Variants in RPS6KA2 observed in about 807,000 individuals in gnomAD.
The protein encoded by RPS6KA2 is ribosomal protein S6 kinase alpha-2.
A neutral mutation model predicts 91.8 loss-of-function variants in RPS6KA2; 42 were observed. The ratio of observed to expected loss-of-function variants is 0.46; its 90% CI spans 0.36 to 0.59. The LOEUF (loss-of-function observed/expected upper bound fraction) is 0.59. RPS6KA2 is among the 20% of genes least tolerant of loss of function. The pLI is 0.00. For synonymous variants in RPS6KA2, 414 were observed against 393.6 expected (o/e 1.05, Z -0.61); for missense variants, 798 against 978.5 (o/e 0.82, Z 2.46).
chr6:166,565,511 C>T (rs1252571184), intron 1 of RPS6KA2, among the ~76,000 whole-genome samples: 1 of 152,250 alleles, frequency 6.6e-6, no homozygotes, highest in Non-Finnish European at 1.5e-5. Flanking sequence ...ACAGTGCCAT[C>T]CACGCTAGGG....
intron 10 of RPS6KA2, among the ~76,000 whole-genome samples, chr6:166,472,643 T>C (rs559720543): frequency 7.2e-5 from 11 of 152,330 alleles, no homozygotes; most frequent in African/African-American, 2.6e-4. Flanking sequence ...TTTATTATTC[T>C]TGTTAAAATA....
At chr6:166,858,396 G>C in intron 1 of RPS6KA2, 1 of 628,720 alleles carries the variant, frequency 1.6e-6, no homozygotes. Flanking sequence ...CCATATCACC[G>C]TCCCTTCCCA....
At chr6:166,824,613 G>A (rs1290587362) in intron 2 of RPS6KA2, among the ~76,000 whole-genome samples, 5 of 149,148 alleles carry the variant, frequency 3.4e-5, no homozygotes, top group African/African-American at 7.4e-5. Flanking sequence ...TAATATGTGT[G>A]TGTCTGTGTG....
chr6:166,527,517 C>T (rs1424561157), intron 3 of RPS6KA2, among the ~76,000 whole-genome samples: 1 of 152,120 alleles, frequency 6.6e-6, no homozygotes, highest in African/African-American at 2.4e-5. Flanking sequence ...AGGAAAGGAA[C>T]GTATTATCTA....
upstream of RPS6KA2, among the ~76,000 whole-genome samples, chr6:166,628,193 C>T (rs1049725957): frequency 1.3e-5 from 2 of 152,240 alleles, no homozygotes; most frequent in Non-Finnish European, 2.9e-5. Flanking sequence ...CGGGATCCGC[C>T]TTAAAGGGAA....
At chr6:166,586,300 C>T (rs1425855569) in intron 1 of RPS6KA2, 3 of 1,598,730 alleles carry the variant, frequency 1.9e-6, no homozygotes, top group Non-Finnish European at 2.5e-6. Context: ...TGTCTGTTGT[C>T]TTGCAACCGA....
intron 3 of RPS6KA2, among the ~76,000 whole-genome samples, chr6:166,523,347 C>T (rs1373406736): frequency 6.6e-6 from 1 of 152,138 alleles, no homozygotes; most frequent in Non-Finnish European, 1.5e-5. Context: ...AGAGTAAACA[C>T]CTTAAGTACC....
intron 8 of RPS6KA2, among the ~76,000 whole-genome samples, chr6:166,496,915 C>T (rs1158770127): frequency 4.6e-5 from 7 of 152,186 alleles, no homozygotes; most frequent in South Asian, 4.1e-4. Context: ...TTCCCTGCAC[C>T]GGCAAAACCT....
Position 166,409,867 on chromosome 6 carries a change from A to G in RPS6KA2, c.*2895T>C, listed in dbSNP as rs965854207. On this transcript the variant is annotated 3_prime_UTR_variant, in exon 21 of 21. Transcript: ENST00000265678. The stretch of plus-strand genomic sequence containing the variant: ...ACAATACTGGATAACATTAAGTACT[A>G]TTATCACTTTAAAATTCAAACAATC... The G allele has an allele frequency of 6.6e-6, 1 of 152,576 alleles. No homozygotes were observed. Among genetic ancestry groups the G allele is most frequent in the South Asian group, 2.1e-4 (1 of 4,830 alleles). 9.5% of individuals were successfully genotyped at this position (152,576 alleles called of 1,614,324 possible).
chr6:166,766,817 A>G (rs1778323703), intron 2 of RPS6KA2, among the ~76,000 whole-genome samples: 1 of 152,238 alleles, frequency 6.6e-6, no homozygotes, highest in Non-Finnish European at 1.5e-5. Flanking sequence ...AGAAGCACAG[A>G]GGTTGCGAGG....
At chr6:166,721,297 C>A (rs916000946) in intron 2 of RPS6KA2, among the ~76,000 whole-genome samples, 9 of 152,278 alleles carry the variant, frequency 5.9e-5, no homozygotes, top group African/African-American at 2.2e-4. Flanking sequence ...CAGCCTCCAA[C>A]AAGAGAGGGA....
At chr6:166,485,997 G>A (rs1044292073) in intron 10 of RPS6KA2, among the ~76,000 whole-genome samples, 1 of 152,218 alleles carries the variant, frequency 6.6e-6, no homozygotes, top group Non-Finnish European at 1.5e-5. Flanking sequence ...CTGTGTAACC[G>A]TGGGTGTGCA....
intron 14 of RPS6KA2, among the ~76,000 whole-genome samples, chr6:166,439,567 T>C (rs1474108248): frequency 1.3e-5 from 2 of 152,190 alleles, no homozygotes; most frequent in East Asian, 3.9e-4. Context: ...AAAGCCTTTG[T>C]TGCCCTGGAG....
intron 1 of RPS6KA2, among the ~76,000 whole-genome samples, chr6:166,622,954 C>T (rs189923334): frequency 1.7e-3 from 264 of 152,348 alleles, no homozygotes; most frequent in African/African-American, 6.2e-3. Context: ...ACAATGCACA[C>T]AGTATGTGCT....
chr6:166,616,086 G>A lies in RPS6KA2; in HGVS notation c.99+10835C>T, dbSNP rs552641307. 1.5e-4 allele frequency among the ~76,000 whole-genome samples: 23 copies of A among 152,244 alleles called. No homozygotes were observed. In the South Asian group the frequency reaches 4.8e-3, roughly 32 times the overall value. On this transcript the variant is annotated intron_variant, in intron 1 of 20. Coordinates refer to ENST00000265678, the MANE Select transcript of RPS6KA2 (RefSeq NM_021135.6). ...CACTGTGTGTGGGTGCAGGGACGCA[G>A]CCTCAGTGGGGAGAAGGTGCCAGTC...
intron 1 of RPS6KA2, among the ~76,000 whole-genome samples, chr6:166,598,783 C>T (rs1314771705): frequency 2.6e-5 from 4 of 152,228 alleles, no homozygotes; most frequent in Non-Finnish European, 5.9e-5. Flanking sequence ...AACAACAAGG[C>T]TTTTCTTTGT....
chr6:166,730,388 C>T (rs557284379), intron 2 of RPS6KA2, among the ~76,000 whole-genome samples: 1 of 147,702 alleles, frequency 6.8e-6, no homozygotes, highest in Non-Finnish European at 1.5e-5. Flanking sequence ...AATATGTCAT[C>T]AGTCATAATT....
At chr6:166,552,635 G>C (rs907186580) in intron 1 of RPS6KA2, among the ~76,000 whole-genome samples, 3 of 152,156 alleles carry the variant, frequency 2.0e-5, no homozygotes, top group African/African-American at 7.2e-5. Flanking sequence ...CGCCTTGCCT[G>C]GGAGAGACTT....
intron 8 of RPS6KA2, among the ~76,000 whole-genome samples, chr6:166,491,667 C>A (rs1583201279): frequency 6.6e-6 from 1 of 152,150 alleles, no homozygotes; most frequent in East Asian, 1.9e-4. Context: ...CTGCGTGTGT[C>A]TCTGCCCTTT....
Sources: gnomAD v4.1 joint callset for allele counts (sites outside exome capture counted in the v4.1 genomes callset) on GRCh38, gnomAD v4.1.1 for gene constraint, MANE v1.5 for transcripts, NCBI Gene and HGNC (gene_info 2026-07-23, HGNC 2026-07-21) for gene names.